Variants in SYNE1 observed in about 807,000 individuals in gnomAD.
The protein encoded by SYNE1 is spectrin repeat containing nuclear envelope protein 1.
Under a neutral mutation model 1,111.0 loss-of-function variants are expected in SYNE1, and 616 were observed. The observed-to-expected ratio is 0.55, with a 90% CI of 0.52 to 0.59. The LOEUF (loss-of-function observed/expected upper bound fraction) is 0.59. SYNE1 is among the 20% of genes least tolerant of loss of function. The pLI, the probability that SYNE1 is intolerant of heterozygous loss-of-function variation, is 0.00. For missense variants in SYNE1, 10,006 were observed against 10,417.0 expected, an observed-to-expected ratio of 0.96 and a Z score of 1.72; for synonymous variants, 3,855 against 3,825.8, an observed-to-expected ratio of 1.01 and a Z score of -0.28.
rs1277447348 is a variant in SYNE1 at position 152,218,271 on chromosome 6, T to C, written c.22177A>G (p.Met7393Val). 2 of 1,614,112 alleles carry C rather than the reference T, an allele frequency of 1.2e-6. No individual in the cohort carries two copies. The highest frequency in any genetic ancestry group is 1.7e-6 in the Non-Finnish European group (2 of 1,179,986). ...SSDLSTIQER[M>V]EELKGQMLKF... ...AACACACTTACCTTAAGTTCTTCCA[T>C]CCTTTCCTGGATTGTGGAGAGGTCA... Residue 7393 changes from methionine (M) to valine (V), a missense_variant, in exon 121 of 146, where the codon ATG (methionine) becomes GTG (valine). Physicochemically the swap from Met to Val is conservative, Grantham distance 21. Around this residue, in one of 7 missense-constraint regions of SYNE1, gnomAD observed 2,182 missense variants for 2,287.8 expected, o/e 0.95. Coordinates refer to ENST00000367255, the MANE Select transcript of SYNE1 (RefSeq NM_182961.4).
chr6:152,155,970 G>A lies in SYNE1; in HGVS notation c.23918C>T (p.Thr7973Met), dbSNP rs558928607. The A allele has an allele frequency of 1.1e-5, 18 of 1,614,102 alleles. No homozygotes were observed. The highest frequency in any genetic ancestry group is 5.5e-5 in the South Asian group (5 of 91,086). The part of the protein sequence containing the change: ...DAECDSIQQA[T>M]RNLDRRWRNI... ...TCTCCACCGCCGGTCCAGGTTTCTC[G>A]TAGCCTGCTGTATAGAGTCACACTC... The change falls in exon 132 of 146, where the codon ACG becomes ATG. Residue 7973 changes from threonine (T) to methionine (M), a missense_variant. Physicochemically the swap from Thr to Met is moderately conservative, Grantham distance 81. Around this residue, in one of 7 missense-constraint regions of SYNE1, gnomAD observed 2,182 missense variants for 2,287.8 expected, o/e 0.95. Transcript: ENST00000367255.
In SYNE1 at chr6:152,206,177, G is replaced by C. The variant is rs1009118197; in HGVS notation, c.23010C>G (p.Phe7670Leu). 1.2e-6 allele frequency: 2 copies of C among 1,613,420 alleles called. No individual in the cohort carries two copies. The highest frequency in any genetic ancestry group is 1.7e-5 in the Admixed American group (1 of 60,034). The change falls in exon 126 of 146, where the codon TTC (phenylalanine) becomes TTG (leucine). Residue 7670 changes from phenylalanine to leucine, a missense_variant. By Grantham distance (22) the Phe-to-Leu change is conservative. Coordinates refer to ENST00000367255, the MANE Select transcript of SYNE1 (RefSeq NM_182961.4). ...TTCTAACTGAACTTACTTTCAACAA[G>C]AAGGCTAGTTTTTTCTTCTGTTCTT... ...RLEEQKKKLA[F>L]LLKDWEKCEK...
intron 11 of SYNE1, among the ~76,000 whole-genome samples, chr6:152,495,790 G>A (rs922934830): frequency 6.6e-6 from 1 of 152,144 alleles, no homozygotes; most frequent in South Asian, 2.1e-4. Context: ...CAGCAGCAGG[G>A]GCCACGTGCA....
intron 119 of SYNE1, among the ~76,000 whole-genome samples, chr6:152,220,071 GA>G (rs978487368): frequency 2.0e-5 from 3 of 152,066 alleles, no homozygotes; most frequent in Non-Finnish European, 4.4e-5. Context: ...TTATGTGGAT[GA>G]AAAAAGCACT....
At chr6:152,556,512 C>T (rs1176508859) in intron 3 of SYNE1, among the ~76,000 whole-genome samples, 1 of 152,126 alleles carries the variant, frequency 6.6e-6, no homozygotes, top group African/African-American at 2.4e-5. Flanking sequence ...TACAGGATGA[C>T]CCCCATGAAC....
At chr6:152,313,655 G>A (rs1180105156) in intron 87 of SYNE1, among the ~76,000 whole-genome samples, 2 of 151,908 alleles carry the variant, frequency 1.3e-5, no homozygotes, top group Non-Finnish European at 2.9e-5. Flanking sequence ...TAGAGAATGG[G>A]GTTTCACTAT....
At chr6:152,626,460 C>T (rs1280620511) in intron 3 of SYNE1, among the ~76,000 whole-genome samples, 2 of 151,982 alleles carry the variant, frequency 1.3e-5, no homozygotes, top group African/African-American at 2.4e-5. Context: ...GACAAACAGC[C>T]AAGACAAACA....
chr6:152,406,275 C>T lies in SYNE1; in HGVS notation c.6723+739G>A, dbSNP rs1160285491. ...GAAGTGGAAGAACCCCACTACCTGG[C>T]ATAATAAGAGCACATGGTAAGGACT... On this transcript the variant is annotated intron_variant, in intron 45 of 145. Coordinates refer to ENST00000367255, the MANE Select transcript of SYNE1 (RefSeq NM_182961.4). Among the ~76,000 whole-genome samples the T allele has an allele frequency of 2.0e-5, 3 of 152,012 alleles. No individual in the cohort carries two copies. In the East Asian group the frequency reaches 5.8e-4, roughly 29 times the overall value.
At chr6:152,550,026 G>A (rs969359211) in intron 3 of SYNE1, among the ~76,000 whole-genome samples, 11 of 152,122 alleles carry the variant, frequency 7.2e-5, no homozygotes, top group African/African-American at 2.4e-4. Context: ...ATTCTTTGTC[G>A]TGGGAGGTGG....
Position 152,378,364 on chromosome 6 carries a change from G to A in SYNE1, c.9010-1452C>T, listed in dbSNP as rs56079569. Among the ~76,000 whole-genome samples, 808 of 152,172 alleles carry A rather than the reference G, an allele frequency of 5.3e-3. 4 individuals carry two copies. The highest frequency in any genetic ancestry group is 0.018 in the African/African-American group (760 of 41,512). ...AAACCAGCCCTGTGCTTCATTCCTC[G>A]TCCTGGTAAATGGCACCACTGTCCC... On this transcript the variant is annotated intron_variant, in intron 56 of 145. Coordinates refer to ENST00000367255, the MANE Select transcript of SYNE1 (RefSeq NM_182961.4).
chr6:152,521,816 T>C (rs2099141358), intron 5 of SYNE1, among the ~76,000 whole-genome samples: 1 of 152,188 alleles, frequency 6.6e-6, no homozygotes, highest in African/African-American at 2.4e-5. Flanking sequence ...CTGCCAGTTG[T>C]TTTAAAGGTT....
At chr6:152,126,738 G>A (rs929415571) in intron 145 of SYNE1, 2 of 152,198 alleles carry the variant, frequency 1.3e-5, no homozygotes, top group Admixed American at 6.5e-5. Flanking sequence ...GAATGGCAGG[G>A]AGGGAGTAGT....
At chr6:152,556,437 G>C (rs2099365253) in intron 3 of SYNE1, among the ~76,000 whole-genome samples, 2 of 152,142 alleles carry the variant, frequency 1.3e-5, no homozygotes. Context: ...GAGGATTTGG[G>C]CCTGCCCATG....
At chr6:152,221,616 A>C in intron 117 of SYNE1, 57 bp from the exon 118 acceptor site, 2 of 1,607,610 alleles carry the variant, frequency 1.2e-6, no homozygotes, top group Non-Finnish European at 1.7e-6. Flanking sequence ...CTAATAAGCA[A>C]GTTTAAAAGG....
At chr6:152,256,906 T>A in intron 101 of SYNE1, 141 bp from the exon 102 acceptor site, 1 of 1,297,782 alleles carries the variant, frequency 7.7e-7, no homozygotes, top group South Asian at 1.2e-5. Flanking sequence ...TTCTACAACA[T>A]ACCATGTCCA....
At chr6:152,316,455 C>T (rs557405769) in intron 87 of SYNE1, 2 of 274,518 alleles carry the variant, frequency 7.3e-6, no homozygotes, top group Non-Finnish European at 1.4e-5. Flanking sequence ...CCCTGCATGG[C>T]GGAGCTTGGT....
chr6:152,384,835 G>A (rs369503095), intron 55 of SYNE1, among the ~76,000 whole-genome samples: 32 of 151,382 alleles, frequency 2.1e-4, no homozygotes, highest in African/African-American at 6.6e-4. Context: ...AGCCAAGATC[G>A]TGCCACTGCA....
intron 30 of SYNE1, among the ~76,000 whole-genome samples, chr6:152,442,839 G>A (rs1007223838): frequency 5.3e-5 from 8 of 152,144 alleles, no homozygotes; most frequent in Non-Finnish European, 7.4e-5. Flanking sequence ...CCAGCTACTC[G>A]GAAGGCTGAG....
intron 30 of SYNE1, 24 bp downstream of exon 30, chr6:152,444,387 G>T (rs762308894): frequency 6.2e-7 from 1 of 1,611,856 alleles, no homozygotes; most frequent in Non-Finnish European, 8.5e-7. Context: ...ACATAATCTT[G>T]TTGGAAGAAA....
Sources: gnomAD v4.1 joint callset for allele counts (sites outside exome capture counted in the v4.1 genomes callset) on GRCh38, gnomAD v4.1.1 for gene constraint, gnomAD v4.1.1 regional missense constraint, MANE v1.5 for transcripts, NCBI Gene and HGNC (gene_info 2026-07-23, HGNC 2026-07-21) for gene names.